The following ATOSA variants were observed in gnomAD, a reference collection of about 807,000 sequenced individuals.
ATOSA encodes the protein atos homolog protein A.
the ATOSA span, chr15:52,605,337 T>A: frequency 1.1e-6 from 1 of 880,580 alleles, no homozygotes; most frequent in East Asian, 2.7e-5. Flanking sequence ...TCATTCCTAA[T>A]ACATTCTGAG....
chr15:52,691,912 C>A, the ATOSA span, among the ~76,000 whole-genome samples: 3 of 151,924 alleles, frequency 2.0e-5, no homozygotes, highest in East Asian at 5.8e-4. Context: ...AAAAGAGATA[C>A]CAGGCCCAGA....
the ATOSA span, chr15:52,652,069 G>C: frequency 4.1e-6 from 6 of 1,455,024 alleles, no homozygotes; most frequent in Non-Finnish European, 5.4e-6. Context: ...AGCAGAGTAA[G>C]AGCGCACATA....
chr15:52,646,644 A>G, the ATOSA span, among the ~76,000 whole-genome samples: 11 of 152,256 alleles, frequency 7.2e-5, no homozygotes, highest in Non-Finnish European at 1.5e-4. Context: ...GAAGTGGGGG[A>G]AAAAAACCAT....
chr15:52,609,401 G>A, the ATOSA span: 34 of 1,613,794 alleles, frequency 2.1e-5, no homozygotes, highest in African/African-American at 9.3e-5. Flanking sequence ...AATGACTGCC[G>A]GGGGATATGT....
the ATOSA span, among the ~76,000 whole-genome samples, chr15:52,583,699 T>C: frequency 1.9e-4 from 29 of 152,300 alleles, no homozygotes; most frequent in African/African-American, 6.5e-4. Context: ...CCATGTCTTT[T>C]AAAAAAAGTT....
chr15:52,665,285 G>A, the ATOSA span, among the ~76,000 whole-genome samples: 25 of 152,310 alleles, frequency 1.6e-4, no homozygotes, highest in Admixed American at 6.5e-4. Context: ...CGGGGGTGAG[G>A]GGAGACTGAA....
chr15:52,677,964 A>T, the ATOSA span: 1 of 1,613,572 alleles, frequency 6.2e-7, no homozygotes, highest in Non-Finnish European at 8.5e-7. Flanking sequence ...CATAGAAAAG[A>T]AGGGGGTGGG....
the ATOSA span, among the ~76,000 whole-genome samples, chr15:52,620,716 A>G: frequency 6.6e-6 from 1 of 152,108 alleles, no homozygotes; most frequent in Non-Finnish European, 1.5e-5. Flanking sequence ...TGGGAGGCTG[A>G]GGCAGGCTGA....
the ATOSA span, among the ~76,000 whole-genome samples, chr15:52,623,399 C>T: frequency 1.3e-5 from 2 of 151,822 alleles, no homozygotes; most frequent in East Asian, 3.9e-4. Context: ...TTATAGTTGT[C>T]CAGGGTTGTA....
chr15:52,626,263 T>G, the ATOSA span, among the ~76,000 whole-genome samples: 1 of 152,140 alleles, frequency 6.6e-6, no homozygotes, highest in Non-Finnish European at 1.5e-5. Flanking sequence ...TCCACATGTC[T>G]CTCCTTTTTA....
At chr15:52,645,560 G>A in the ATOSA span, among the ~76,000 whole-genome samples, 1 of 152,184 alleles carries the variant, frequency 6.6e-6, no homozygotes, top group African/African-American at 2.4e-5. Flanking sequence ...AGCTCCCAGT[G>A]GGTATGATAT....
the ATOSA span, among the ~76,000 whole-genome samples, chr15:52,583,404 CATT>C: frequency 6.6e-6 from 1 of 152,036 alleles, no homozygotes; most frequent in Non-Finnish European, 1.5e-5. Context: ...TTCATTCATT[CATT>C]CATTCATTCA....
At chr15:52,697,348 A>G in the ATOSA span, among the ~76,000 whole-genome samples, 1 of 152,238 alleles carries the variant, frequency 6.6e-6, no homozygotes, top group African/African-American at 2.4e-5. Context: ...CATGTTATAC[A>G]CTGCTTTTCA....
At chr15:52,666,053 A>G in the ATOSA span, among the ~76,000 whole-genome samples, 1 of 152,188 alleles carries the variant, frequency 6.6e-6, no homozygotes, top group Non-Finnish European at 1.5e-5. Flanking sequence ...CACCCAAAAC[A>G]TGAACTGTCT....
chr15:52,707,732 A>G, the ATOSA span, among the ~76,000 whole-genome samples: 2 of 152,196 alleles, frequency 1.3e-5, no homozygotes, highest in Non-Finnish European at 2.9e-5. Context: ...GGAACATGAT[A>G]TTTGCCACAT....
At chr15:52,685,018 G>A in the ATOSA span, among the ~76,000 whole-genome samples, 1 of 152,192 alleles carries the variant, frequency 6.6e-6, no homozygotes, top group African/African-American at 2.4e-5. Flanking sequence ...TGTTGAAATG[G>A]TAGTACTTTA....
the ATOSA span, among the ~76,000 whole-genome samples, chr15:52,622,231 G>A: frequency 6.6e-6 from 1 of 152,128 alleles, no homozygotes; most frequent in Non-Finnish European, 1.5e-5. Context: ...ACTGGTTCTG[G>A]TATTGAGAAA....
At chr15:52,641,562 CAAGA>C in the ATOSA span, among the ~76,000 whole-genome samples, 7 of 152,314 alleles carry the variant, frequency 4.6e-5, no homozygotes, top group East Asian at 1.3e-3. Context: ...GTAATCACAT[CAAGA>C]AAGAATATCC....
chr15:52,591,939 C>G, the ATOSA span, among the ~76,000 whole-genome samples: 11 of 152,214 alleles, frequency 7.2e-5, no homozygotes, highest in Admixed American at 1.3e-4. Context: ...GAAAAGAAAA[C>G]TTTGAATAAA....
Sources: allele counts gnomAD v4.1 joint callset (sites outside exome capture counted in the v4.1 genomes callset), GRCh38; gene constraint gnomAD v4.1.1; transcripts MANE v1.5; gene names NCBI Gene and HGNC (gene_info 2026-07-23, HGNC 2026-07-21).